Variants in GON4L observed in about 807,000 individuals in gnomAD.
GON4L encodes the protein GON-4-like protein.
GON4L carries 87 observed loss-of-function variants against 211.8 expected under a neutral mutation model. The observed-to-expected ratio is 0.41, with a 90% CI of 0.35 to 0.49. GON4L has a LOEUF of 0.49. Ranked by LOEUF, GON4L falls within the 20% of genes least tolerant of loss-of-function variation. The pLI is 0.15. For missense variants in GON4L, 2,155 were observed against 2,659.5 expected (o/e 0.81, Z 4.17); for synonymous variants, 875 against 962.6 (o/e 0.91, Z 1.68).
Position 155,853,693 on chromosome 1 carries a change from A to AT in GON4L, c.87dup (p.Ser30IlefsTer4), listed in dbSNP as rs1178208986. The AT allele has an allele frequency of 6.2e-7, 1 of 1,613,474 alleles. No homozygotes were observed. The highest frequency in any genetic ancestry group is 1.1e-5 in the South Asian group (1 of 91,068). ...TGGTCAGATTCTGGTTTAACGGCTG[A>AT]TTCTAGGTCTACGTTGTTTTCCTCT... On this transcript the variant is annotated frameshift_variant, in exon 2 of 32. Coordinates refer to ENST00000368331, the MANE Select transcript of GON4L (RefSeq NM_001282860.2). LOFTEE classifies it high-confidence loss of function.
chr1:155,769,592 C>T (rs777091837), intron 19 of GON4L, among the ~76,000 whole-genome samples: 1 of 152,054 alleles, frequency 6.6e-6, no homozygotes, highest in Non-Finnish European at 1.5e-5. Flanking sequence ...TTTAAGTAAC[C>T]TTTACTGTTG....
At chr1:155,827,735 G>A (rs1417136435) in intron 2 of GON4L, among the ~76,000 whole-genome samples, 1 of 151,530 alleles carries the variant, frequency 6.6e-6, no homozygotes, top group Non-Finnish European at 1.5e-5. Context: ...TCATGAGGTG[G>A]CTCATGACTA....
At chr1:155,783,523 A>C (rs1406731483) in intron 14 of GON4L, among the ~76,000 whole-genome samples, 1 of 152,256 alleles carries the variant, frequency 6.6e-6, no homozygotes, top group Non-Finnish European at 1.5e-5. Context: ...AACTTTAGGC[A>C]AAAAGGTCAG....
intron 16 of GON4L, 25 bp downstream of exon 16, chr1:155,776,370 G>C: frequency 7.0e-7 from 1 of 1,437,830 alleles, no homozygotes; most frequent in Non-Finnish European, 9.8e-7. Flanking sequence ...CTAGTCTTTA[G>C]AGTTATGGAT....
At chr1:155,856,106 T>C (rs948403253) in intron 1 of GON4L, among the ~76,000 whole-genome samples, 3 of 151,928 alleles carry the variant, frequency 2.0e-5, no homozygotes, top group Middle Eastern at 3.4e-3. Context: ...AAGCGAAGCC[T>C]GAATGTCCAC....
downstream of GON4L, chr1:155,748,546 G>C: frequency 6.2e-7 from 1 of 1,613,908 alleles, no homozygotes; most frequent in East Asian, 2.2e-5. Context: ...GAAGCTTTGT[G>C]AGGGGTTGGG....
chr1:155,752,699 G>A, intron 29 of GON4L, 109 bp from the exon 30 acceptor site: 1 of 1,513,432 alleles, frequency 6.6e-7, no homozygotes, highest in South Asian at 1.2e-5. Context: ...AAAAAAGAGG[G>A]CTGGGCATGG....
intron 11 of GON4L, among the ~76,000 whole-genome samples, chr1:155,801,112 C>CAAAAAAAA (rs367752032): frequency 8.1e-5 from 6 of 73,626 alleles, no homozygotes; most frequent in African/African-American, 1.8e-4. Flanking sequence ...TGCTGCTGCT[C>CAAAAAAAA]AAAAAAAAAA....
intron 2 of GON4L, 103 bp from the exon 3 acceptor site, chr1:155,827,131 T>C: frequency 2.4e-6 from 2 of 848,408 alleles, no homozygotes; most frequent in South Asian, 1.4e-5. Flanking sequence ...GACAACTTCA[T>C]GAATTAAGCA....
At chr1:155,807,730 A>AAAAAAAAAAAAAAAAAAAAC (rs1395575383) in intron 10 of GON4L, among the ~76,000 whole-genome samples, 1 of 143,798 alleles carries the variant, frequency 7.0e-6, no homozygotes. Context: ...AAAAAAGAAA[A>AAAAAAAAAAAAAAAAAAAAC]TCAGAAAGTG....
intron 17 of GON4L, 185 bp downstream of exon 17, chr1:155,774,817 A>G: frequency 1.1e-6 from 1 of 927,284 alleles, no homozygotes; most frequent in Non-Finnish European, 1.7e-6. Flanking sequence ...CCAGGCCCAG[A>G]GATTATCATG....
intron 15 of GON4L, 58 bp downstream of exon 15, chr1:155,777,564 G>A: frequency 1.5e-6 from 2 of 1,304,262 alleles, no homozygotes; most frequent in Non-Finnish European, 2.2e-6. Context: ...GGGAGACAGA[G>A]CCAGACTCTG....
At chr1:155,811,268 T>C (rs1203957066) in intron 10 of GON4L, among the ~76,000 whole-genome samples, 1 of 150,948 alleles carries the variant, frequency 6.6e-6, no homozygotes, top group African/African-American at 2.4e-5. Flanking sequence ...TGCGGGCGCC[T>C]GTAGTCCCAG....
At chr1:155,808,161 T>G (rs1667338788) in intron 10 of GON4L, among the ~76,000 whole-genome samples, 1 of 151,928 alleles carries the variant, frequency 6.6e-6, no homozygotes, top group Non-Finnish European at 1.5e-5. Flanking sequence ...CTCAGCCTCC[T>G]AAGTAACTGG....
At chr1:155,853,169 C>T (rs1671967079) in intron 2 of GON4L, 107 bp downstream of exon 2, 1 of 1,048,454 alleles carries the variant, frequency 9.5e-7, no homozygotes, top group Non-Finnish European at 1.5e-6. Flanking sequence ...AATTCCGTAC[C>T]AAATCAATAT....
intron 2 of GON4L, among the ~76,000 whole-genome samples, chr1:155,852,342 T>C (rs1220244786): frequency 2.6e-5 from 4 of 152,114 alleles, no homozygotes; most frequent in Non-Finnish European, 5.9e-5. Context: ...CAGTAGAGCC[T>C]TTCCCAGTGT....
intron 2 of GON4L, among the ~76,000 whole-genome samples, chr1:155,833,761 AGGGAGGAG>A (rs1557914681): frequency 1.0e-4 from 1 of 9,596 alleles, no homozygotes; most frequent in African/African-American, 2.3e-4. Flanking sequence ...GAGGGGAGGA[AGGGAGGAG>A]GGGAGGAGGG....
At chr1:155,748,003 A>G (rs1351974864), downstream of GON4L, 4 of 1,602,414 alleles carry the variant, frequency 2.5e-6, no homozygotes, top group Admixed American at 3.4e-5. Context: ...TCTATCGTCT[A>G]TTAAACACAG....
intron 11 of GON4L, among the ~76,000 whole-genome samples, chr1:155,803,682 T>C (rs1666891463): frequency 6.6e-6 from 1 of 152,206 alleles, no homozygotes; most frequent in South Asian, 2.1e-4. Context: ...GACTCCATGC[T>C]GAACAGTCTC....
Sources: gnomAD v4.1 joint callset for allele counts (sites outside exome capture counted in the v4.1 genomes callset) on GRCh38, gnomAD v4.1.1 for gene constraint, MANE v1.5 for transcripts, NCBI Gene and HGNC (gene_info 2026-07-23, HGNC 2026-07-21) for gene names.